The following DGKI variants were observed in gnomAD, a reference collection of about 807,000 sequenced individuals.
DGKI encodes the protein diacylglycerol kinase iota.
A neutral mutation model predicts 147.5 loss-of-function variants in DGKI; 55 were observed. The ratio of observed to expected loss-of-function variants is 0.37; its 90% confidence interval spans 0.30 to 0.47. The LOEUF is 0.47. DGKI is among the 20% of genes least tolerant of loss of function. The pLI, the probability that DGKI is intolerant of heterozygous loss-of-function variation, is 1.00. For missense variants in DGKI, 1,007 were observed against 1,323.8 expected, an observed-to-expected ratio of 0.76 and a Z score of 3.71; for synonymous variants, 469 against 477.1, an observed-to-expected ratio of 0.98 and a Z score of 0.22.
intron 1 of DGKI, among the ~76,000 whole-genome samples, chr7:137,711,298 A>G (rs1794204845): frequency 6.6e-6 from 1 of 152,244 alleles, no homozygotes; most frequent in African/African-American, 2.4e-5. Flanking sequence ...GATAGTTAAA[A>G]TATCATATCA....
At chr7:137,790,047 G>A (rs1796803151) in intron 1 of DGKI, among the ~76,000 whole-genome samples, 1 of 152,100 alleles carries the variant, frequency 6.6e-6, no homozygotes, top group South Asian at 2.1e-4. Flanking sequence ...CACAATCTCA[G>A]TCACAACTAC....
At chr7:137,534,788 T>C (rs1817461701) in intron 20 of DGKI, among the ~76,000 whole-genome samples, 1 of 152,152 alleles carries the variant, frequency 6.6e-6, no homozygotes, top group African/African-American at 2.4e-5. Context: ...TACTAAGTTA[T>C]CTGTCCCCCA....
intron 27 of DGKI, among the ~76,000 whole-genome samples, chr7:137,450,685 G>A (rs1344134255): frequency 1.3e-5 from 2 of 152,052 alleles, no homozygotes; most frequent in Non-Finnish European, 2.9e-5. Context: ...TTGCACCGTT[G>A]CACTCCTGCC....
intron 1 of DGKI, among the ~76,000 whole-genome samples, chr7:137,714,346 T>C (rs1277631224): frequency 6.6e-6 from 1 of 152,248 alleles, no homozygotes; most frequent in Non-Finnish European, 1.5e-5. Flanking sequence ...CTTTAAACAA[T>C]TCTGTCTTCC....
At chr7:137,665,294 C>G (rs1822596203) in intron 3 of DGKI, among the ~76,000 whole-genome samples, 1 of 152,292 alleles carries the variant, frequency 6.6e-6, no homozygotes, top group African/African-American at 2.4e-5. Flanking sequence ...TGAGAGCACA[C>G]AGCCCTCTTC....
intron 1 of DGKI, among the ~76,000 whole-genome samples, chr7:137,828,209 A>C (rs1195711612): frequency 6.6e-6 from 1 of 152,012 alleles, no homozygotes; most frequent in Non-Finnish European, 1.5e-5. Context: ...TATTTTTTTT[A>C]TTTCTTTCTC....
At chr7:137,670,722 G>C (rs1353502412) in intron 3 of DGKI, among the ~76,000 whole-genome samples, 3 of 152,224 alleles carry the variant, frequency 2.0e-5, no homozygotes, top group Non-Finnish European at 4.4e-5. Context: ...AAACAACTCA[G>C]AGAGCGGGCT....
rs1276151205 is a variant in DGKI, at chr7:137,388,449, G to A, written c.*2771C>T. ...CCAAGCTAGCTGCCTCTTCAGTGCT[G>A]TCTCAGTAGGCTTTGTAGAAATGAT... On this transcript the variant is annotated 3_prime_UTR_variant, in exon 33 of 33. Transcript: ENST00000614521. 1 of 152,154 alleles carries A rather than the reference G, an allele frequency of 6.6e-6. No individual in the cohort carries two copies. Among genetic ancestry groups the A allele is most frequent in the Non-Finnish European group, 1.5e-5 (1 of 68,036 alleles). The allele number at this position is 152,154 out of a possible 1,614,324, so 9.4% of individuals were successfully genotyped here.
intron 28 of DGKI, among the ~76,000 whole-genome samples, chr7:137,418,662 A>T (rs1791199213): frequency 6.6e-6 from 1 of 152,230 alleles, no homozygotes; most frequent in African/African-American, 2.4e-5. Flanking sequence ...TTAGTTTTAA[A>T]AATAATATCC....
intron 19 of DGKI, among the ~76,000 whole-genome samples, chr7:137,569,123 T>C (rs1818692922): frequency 6.6e-6 from 1 of 152,010 alleles, no homozygotes; most frequent in Admixed American, 6.5e-5. Flanking sequence ...AAAGCAAAGA[T>C]GAGAGCAGGG....
chr7:137,531,476 G>A (rs1473952266), intron 20 of DGKI, among the ~76,000 whole-genome samples: 2 of 152,150 alleles, frequency 1.3e-5, no homozygotes, highest in South Asian at 2.1e-4. Flanking sequence ...CAGTTGGAGG[G>A]AGGACCATTC....
rs1002256432 is a variant in DGKI, at chr7:137,846,718, CGGCGGCCGCGGAGGGAGCGCA to C, written c.124_144del (p.Cys42_Ala48del). 2.1e-5 allele frequency: 22 copies of C among 1,023,424 alleles called. No individual in the cohort carries two copies. The highest frequency in any genetic ancestry group is 9.5e-4 in the Middle Eastern group (2 of 2,112). 63.4% of individuals were successfully genotyped at this position (1,023,424 alleles called of 1,614,324 possible). A position where few individuals can be genotyped will look rare whatever the true frequency, so the allele number is the denominator to read the frequency against. ...GAGCTGGGGTTCATGGCGCCCGCTC[CGGCGGCCGCGGAGGGAGCGCA>C]GGCGGCGCCGCTGCAGGGGCCGGGC... On this transcript the variant is annotated inframe_deletion, in exon 1 of 33. Coordinates refer to ENST00000614521, the MANE Select transcript of DGKI (RefSeq NM_001321708.2). The surrounding 1 kb of genome is among the most constrained non-coding windows in gnomAD (Gnocchi z 4.0).
rs997169329 is a variant in DGKI, at chr7:137,765,122, G to A, written c.402-75120C>T. 3.9e-5 allele frequency among the ~76,000 whole-genome samples: 6 copies of A among 152,204 alleles called. No individual in the cohort carries two copies. In the East Asian group the frequency reaches 1.2e-3, roughly 29 times the overall value. On this transcript the variant is annotated intron_variant, in intron 1 of 32. Coordinates refer to ENST00000614521, the MANE Select transcript of DGKI (RefSeq NM_001321708.2). ...CGCCAGGTGCAGTCCAACCATTGAA[G>A]AGGGGTGTTACTTCCTGAGTTCAAT...
intron 20 of DGKI, 130 bp from the exon 21 acceptor site, chr7:137,522,096 T>G (rs1023582254): frequency 2.0e-5 from 13 of 634,494 alleles, no homozygotes; most frequent in Non-Finnish European, 3.2e-5. Context: ...ACCAGAAAGG[T>G]GGGTTCCTTA....
At chr7:137,497,303 G>A (rs1816003773) in intron 21 of DGKI, among the ~76,000 whole-genome samples, 1 of 152,098 alleles carries the variant, frequency 6.6e-6, no homozygotes, top group African/African-American at 2.4e-5. Flanking sequence ...AGATGCTGAT[G>A]AGGTTGTGGA....
Position 137,619,881 on chromosome 7 carries a change from C to T in DGKI, c.936G>A (p.Gly312=), listed in dbSNP as rs755520789. The change falls in exon 8 of 33, where the codon GGG becomes GGA. Residue 312 remains glycine (G), a synonymous_variant. Coordinates refer to ENST00000614521, the MANE Select transcript of DGKI (RefSeq NM_001321708.2). ...GCGGGACAATAACAGCAGCATGAGC[C>T]CCCAGGGAGCAGGGTTCTTCAATGT... ...LHHIEEPCSL[G]AHAAVIVPPT... The T allele has an allele frequency of 5.0e-6, 8 of 1,613,892 alleles. No homozygotes were observed. Among genetic ancestry groups the T allele is most frequent in the Non-Finnish European group, 6.8e-6 (8 of 1,179,986 alleles).
intron 28 of DGKI, among the ~76,000 whole-genome samples, chr7:137,413,811 G>C (rs1360473683): frequency 6.6e-6 from 1 of 152,160 alleles, no homozygotes; most frequent in Non-Finnish European, 1.5e-5. Context: ...TAATGGGATT[G>C]CTGGGTCGAA....
chr7:137,549,397 C>G (rs1817971676), intron 20 of DGKI, among the ~76,000 whole-genome samples: 1 of 152,144 alleles, frequency 6.6e-6, no homozygotes, highest in Non-Finnish European at 1.5e-5. Context: ...GGAGCCACAG[C>G]ACTTACGTCT....
At chr7:137,568,000 T>G (rs989640540) in intron 19 of DGKI, among the ~76,000 whole-genome samples, 1 of 152,130 alleles carries the variant, frequency 6.6e-6, no homozygotes, top group Non-Finnish European at 1.5e-5. Context: ...AAAAGCTGAG[T>G]GATGATACTT....
Sources: gnomAD v4.1 joint callset for allele counts (sites outside exome capture counted in the v4.1 genomes callset) on GRCh38, gnomAD v4.1.1 for gene constraint, Gnocchi (gnomAD v3.1) non-coding constraint, MANE v1.5 for transcripts, NCBI Gene and HGNC (gene_info 2026-07-23, HGNC 2026-07-21) for gene names.